The following HTR2C variants were observed in gnomAD, a reference collection of about 807,000 sequenced individuals.
The protein encoded by HTR2C is 5-hydroxytryptamine (serotonin) receptor 2C, G protein-coupled.
HTR2C carries 5 observed loss-of-function variants against 21.0 expected under a neutral mutation model. The observed-to-expected ratio is 0.24, with a 90% confidence interval of 0.12 to 0.50. The LOEUF (loss-of-function observed/expected upper bound fraction) is 0.50. Among genes scored for constraint, HTR2C ranks in the 20% least tolerant of loss-of-function variants. The pLI is 0.98. For missense variants in HTR2C, 271 were observed against 371.2 expected (o/e 0.73, Z 2.22); for synonymous variants, 150 against 145.3 (o/e 1.03, Z -0.23).
At chrX:114,901,180 T>A (rs2071334500) in intron 5 of HTR2C, among the ~76,000 whole-genome samples, 1 of 112,616 alleles carries the variant, frequency 8.9e-6, no homozygotes, top group Non-Finnish European at 1.9e-5. Flanking sequence ...GAAATGTGCC[T>A]CTTAGAATCA....
chrX:114,780,913 A>G (rs2070110265), intron 4 of HTR2C, among the ~76,000 whole-genome samples: 2 of 111,679 alleles, frequency 1.8e-5, no homozygotes, highest in South Asian at 7.5e-4. Context: ...AACTTCAGGC[A>G]TTGTATCATC....
chrX:114,817,864 C>A (rs2070599631), intron 4 of HTR2C, among the ~76,000 whole-genome samples: 2 of 111,315 alleles, frequency 1.8e-5, no homozygotes, highest in Non-Finnish European at 1.9e-5. Flanking sequence ...CAATATTATC[C>A]TGATGCCAAA....
At chrX:114,793,826 C>A (rs1165499621) in intron 4 of HTR2C, among the ~76,000 whole-genome samples, 1 of 109,480 alleles carries the variant, frequency 9.1e-6, no homozygotes, top group East Asian at 2.9e-4. Flanking sequence ...CTAATCATTG[C>A]AGCTAGAGTG....
At chrX:114,811,294 CT>C (rs368771870) in intron 4 of HTR2C, among the ~76,000 whole-genome samples, 1,766 of 101,755 alleles carry the variant, frequency 0.017, 30 homozygotes, top group African/African-American at 0.055. Flanking sequence ...AAAGGCCAGT[CT>C]TTTTTTTTTT....
chrX:114,705,449 C>A (rs1430268016), intron 2 of HTR2C, among the ~76,000 whole-genome samples: 1 of 108,188 alleles, frequency 9.2e-6, no homozygotes, highest in Non-Finnish European at 1.9e-5. Context: ...GAAAAACAAG[C>A]AATGGGGAAA....
chrX:114,713,639 C>T (rs1175523925), intron 2 of HTR2C, among the ~76,000 whole-genome samples: 1 of 111,066 alleles, frequency 9.0e-6, no homozygotes, highest in Non-Finnish European at 1.9e-5. Flanking sequence ...GTTATTTTAT[C>T]CAAAATTTCA....
At chrX:114,728,442 C>A (rs782230620) in intron 3 of HTR2C, among the ~76,000 whole-genome samples, 5 of 110,759 alleles carry the variant, frequency 4.5e-5, no homozygotes, top group African/African-American at 1.6e-4. Context: ...ACAGACAATT[C>A]TTCATTACAA....
At chrX:114,897,540 T>A (rs2071305790) in intron 5 of HTR2C, among the ~76,000 whole-genome samples, 1 of 111,714 alleles carries the variant, frequency 9.0e-6, no homozygotes, top group Non-Finnish European at 1.9e-5. Context: ...CCATTAGCTA[T>A]TCTTCCTAAT....
intron 4 of HTR2C, among the ~76,000 whole-genome samples, chrX:114,834,950 C>G (rs1444513517): frequency 2.9e-5 from 3 of 104,711 alleles, no homozygotes; most frequent in African/African-American, 1.0e-4. Flanking sequence ...TATTTTATTT[C>G]TCCTTCACTT....
At chrX:114,814,971 TATA>T (rs1422511188) in intron 4 of HTR2C, among the ~76,000 whole-genome samples, 2 of 103,298 alleles carry the variant, frequency 1.9e-5, no homozygotes, top group Non-Finnish European at 3.9e-5. Context: ...TATATATACA[TATA>T]ATACATTATA....
chrX:114,737,401 T>C (rs2069602007), intron 4 of HTR2C, among the ~76,000 whole-genome samples: 1 of 109,913 alleles, frequency 9.1e-6, no homozygotes, highest in African/African-American at 3.3e-5. Flanking sequence ...TAATTTTTTA[T>C]GTTTTTGGTA....
At chrX:114,816,426 T>C (rs782590769) in intron 4 of HTR2C, among the ~76,000 whole-genome samples, 7 of 109,439 alleles carry the variant, frequency 6.4e-5, no homozygotes, top group Non-Finnish European at 1.1e-4. Context: ...AACGAGATAA[T>C]GTAAAGTTTC....
chrX:114,906,894 G>C lies in HTR2C; in HGVS notation c.856G>C (p.Ala286Pro). 8.3e-7 allele frequency: 1 copy of C among 1,210,846 alleles called. No individual in the cohort carries two copies. The highest frequency in any genetic ancestry group is 1.1e-6 in the Non-Finnish European group (1 of 895,348). The change falls in exon 6 of 6, where the codon GCA becomes CCA. Residue 286 changes from alanine to proline, a missense_variant. Transcript: ENST00000276198. ...TGCAAACCCTAACCAAGACCAGAAC[G>C]CACGCCGAAGAAAGAAGAAGGAGAG... The part of the protein sequence containing the change: ...NSANPNQDQN[A>P]RRRKKKERRP...
At position 114,759,925 on chromosome X, in the gene HTR2C, A is replaced by T. The variant is rs781795695; in HGVS notation, c.349+28318A>T. On this transcript the variant is annotated intron_variant, in intron 4 of 5. Coordinates refer to ENST00000276198, the MANE Select transcript of HTR2C (RefSeq NM_000868.4). ...CTCAGATTCATAGATTAGGTGCCAT[A>T]TTAAATGATATGATACAGCAGGAAC... Among the ~76,000 whole-genome samples the T allele has an allele frequency of 4.5e-5, 5 of 112,015 alleles. No individual in the cohort carries two copies. The East Asian group carries it at 1.4e-3, about 31-fold the overall frequency.
intron 2 of HTR2C, among the ~76,000 whole-genome samples, chrX:114,655,719 T>C (rs781966302): frequency 9.0e-6 from 1 of 111,349 alleles, no homozygotes; most frequent in South Asian, 3.7e-4. Flanking sequence ...AGAATTCTTT[T>C]CTACCTCTTA....
At chrX:114,647,400 GACA>G (rs1930402438) in intron 2 of HTR2C, among the ~76,000 whole-genome samples, 1 of 111,227 alleles carries the variant, frequency 9.0e-6, no homozygotes, top group Non-Finnish European at 1.9e-5. Context: ...AAAATAATTT[GACA>G]ACATGCTTTG....
At chrX:114,839,434 C>T (rs2070815253) in intron 4 of HTR2C, among the ~76,000 whole-genome samples, 1 of 111,725 alleles carries the variant, frequency 9.0e-6, no homozygotes. Flanking sequence ...TGCCTGTAAT[C>T]CCAGCACTTT....
intron 4 of HTR2C, among the ~76,000 whole-genome samples, chrX:114,812,366 C>A (rs1412239694): frequency 9.0e-6 from 1 of 110,912 alleles, no homozygotes; most frequent in African/African-American, 3.3e-5. Context: ...TTATGAAAAC[C>A]AGGCTATATT....
chrX:114,809,537 C>T, intron 4 of HTR2C, among the ~76,000 whole-genome samples: 1 of 109,717 alleles, frequency 9.1e-6, no homozygotes. Context: ...GCGCCCGCCA[C>T]CACGCCTGGC....
Sources: gnomAD v4.1 joint callset for allele counts (sites outside exome capture counted in the v4.1 genomes callset) on GRCh38, gnomAD v4.1.1 for gene constraint, MANE v1.5 for transcripts, NCBI Gene and HGNC (gene_info 2026-07-23, HGNC 2026-07-21) for gene names.